Variants in KCNAB2 observed in about 807,000 individuals in gnomAD.
The protein encoded by KCNAB2 is voltage-gated potassium channel subunit beta-2.
A neutral mutation model predicts 63.6 loss-of-function variants in KCNAB2; 29 were observed. That is an observed-to-expected ratio of 0.46 (90% CI 0.34 to 0.62). The LOEUF (loss-of-function observed/expected upper bound fraction) is 0.62. Ranked by LOEUF, KCNAB2 falls within the 20% of genes least tolerant of loss-of-function variation. KCNAB2 has a pLI of 0.01. For synonymous variants in KCNAB2, 222 were observed against 224.2 expected (o/e 0.99, Z 0.09); for missense variants, 359 against 563.9 (o/e 0.64, Z 3.68).
chr1:6,079,124 G>A lies in KCNAB2; in HGVS notation c.301-3071G>A, dbSNP rs114873317. On this transcript the variant is annotated intron_variant, in intron 4 of 15. Coordinates refer to ENST00000378083, the MANE Select transcript of KCNAB2 (RefSeq NM_001199862.2). ...GGGTTTGACCGGAGCACAGGTGAGC[G>A]AGACCTCCCGGGAGCTGATGCTGCC... is the stretch of plus-strand genomic sequence containing the variant. Among the ~76,000 whole-genome samples the A allele has an allele frequency of 2.8e-3, 419 of 152,302 alleles. 4 individuals carry two copies. Among genetic ancestry groups the A allele is most frequent in the African/African-American group, 9.5e-3 (395 of 41,558 alleles).
rs1198321588 is a variant in KCNAB2, at chr1:6,086,903, G to A, written c.426-564G>A. 2.0e-5 allele frequency among the ~76,000 whole-genome samples: 3 copies of A among 150,210 alleles called. No individual in the cohort carries two copies. Among genetic ancestry groups the A allele is most frequent in the Admixed American group, 2.0e-4 (3 of 15,120 alleles). On this transcript the variant is annotated intron_variant, in intron 6 of 15. Coordinates refer to ENST00000378083, the MANE Select transcript of KCNAB2 (RefSeq NM_001199862.2). The surrounding 1 kb of genome is among the most constrained non-coding windows in gnomAD (Gnocchi z 4.2). ...TTATGCCTCCCCTCCCTCCCTTGGT[G>A]CCCCTCAAGTTACCCCGACCAGGCC...
chr1:6,040,891 G>A (rs954188914), upstream of KCNAB2, among the ~76,000 whole-genome samples: 6 of 152,262 alleles, frequency 3.9e-5, no homozygotes, highest in Non-Finnish European at 7.3e-5. Context: ...AGCCAGAGTA[G>A]ACTCCTTTCT....
At chr1:6,006,892 T>C (rs980256258) in intron 1 of KCNAB2, among the ~76,000 whole-genome samples, 5 of 151,892 alleles carry the variant, frequency 3.3e-5, no homozygotes, top group African/African-American at 1.2e-4. Flanking sequence ...AATACAATGA[T>C]AAGAGCTGTT....
intron 1 of KCNAB2, chr1:6,026,131 T>A (rs1471983430): frequency 6.6e-6 from 1 of 152,554 alleles, no homozygotes; most frequent in Non-Finnish European, 1.5e-5. Context: ...GCCACCTGCT[T>A]CCTGTCCTCT....
In KCNAB2 at chr1:6,074,249, A is replaced by T. The variant is rs1366815058; in HGVS notation, c.300+479A>T. Reference sequence around the variant, plus strand: ...GCATTTCACCCAACATCCACTGTCCATTTCCCAGCTGCCGCGAACCGTGCG... The same window carrying T: ...GCATTTCACCCAACATCCACTGTCCTTTTCCCAGCTGCCGCGAACCGTGCG... On this transcript the variant is annotated intron_variant, in intron 4 of 15. Transcript: ENST00000378083. This position sits in a 1 kb window ranked among gnomAD's most constrained non-coding sequence, Gnocchi z 4.9. Among the ~76,000 whole-genome samples the T allele has an allele frequency of 6.6e-6, 1 of 152,158 alleles. No homozygotes were observed.
intron 4 of KCNAB2, among the ~76,000 whole-genome samples, chr1:6,080,844 G>A (rs948395762): frequency 6.6e-6 from 1 of 152,252 alleles, no homozygotes; most frequent in Admixed American, 6.5e-5. Flanking sequence ...AGTTCAGAAA[G>A]GAGAGACGCA....
chr1:6,044,489 T>C (rs2100486106), upstream of KCNAB2, among the ~76,000 whole-genome samples: 1 of 152,128 alleles, frequency 6.6e-6, no homozygotes, highest in Non-Finnish European at 1.5e-5. Flanking sequence ...GAGCCACAGC[T>C]CAGAGGTGTG....
chr1:6,098,752 C>T lies in KCNAB2; in HGVS notation c.*178C>T, dbSNP rs1362544943. 8.0e-6 allele frequency: 6 copies of T among 748,330 alleles called. No homozygotes were observed. The highest frequency in any genetic ancestry group is 5.6e-5 in the South Asian group (3 of 53,874). 46.4% of individuals were successfully genotyped at this position (748,330 alleles called of 1,614,324 possible). A position where few individuals can be genotyped will look rare whatever the true frequency, so the allele number is the denominator to read the frequency against. On this transcript the variant is annotated 3_prime_UTR_variant, in exon 16 of 16. Transcript: ENST00000378083. Reference sequence around the variant, plus strand: ...TGCCAGACACCACCCACTGCTTCGCCGGACAATGTCGAAGTCCAGTCTGTG... The same window carrying T: ...TGCCAGACACCACCCACTGCTTCGCTGGACAATGTCGAAGTCCAGTCTGTG...
intron 2 of KCNAB2, among the ~76,000 whole-genome samples, chr1:6,066,520 T>A (rs892310739): frequency 2.0e-5 from 3 of 152,100 alleles, no homozygotes; most frequent in African/African-American, 7.2e-5. Context: ...GAGGGCGCCG[T>A]CTTCCTTCCT....
chr1:6,008,721 T>C (rs1657973629), intron 1 of KCNAB2, among the ~76,000 whole-genome samples: 1 of 151,782 alleles, frequency 6.6e-6, no homozygotes, highest in African/African-American at 2.4e-5. Context: ...AAGGCTGTGA[T>C]CAGGGAAGTG....
At chr1:6,030,861 T>C (rs1159645578), upstream of KCNAB2, among the ~76,000 whole-genome samples, 2 of 148,298 alleles carry the variant, frequency 1.3e-5, no homozygotes, top group African/African-American at 5.2e-5. Context: ...TGTGTGTATG[T>C]ATGTGTAGGT....
At chr1:6,072,916 G>T (rs1571027491) in intron 3 of KCNAB2, 118 bp downstream of exon 3, 1 of 887,990 alleles carries the variant, frequency 1.1e-6, no homozygotes. Context: ...ACTCCCCAGG[G>T]AGTAGCTGCA....
intron 1 of KCNAB2, among the ~76,000 whole-genome samples, chr1:6,013,678 G>A (rs769374517): frequency 6.6e-5 from 10 of 152,052 alleles, no homozygotes; most frequent in African/African-American, 9.7e-5. Context: ...GCATCTGTCC[G>A]AAGACCCTGC....
chr1:6,098,360 C>G, intron 15 of KCNAB2, 125 bp from the exon 16 acceptor site: 1 of 1,494,136 alleles, frequency 6.7e-7, no homozygotes. Flanking sequence ...CAGATGGAGC[C>G]CAGATGTGAT....
chr1:6,090,797 A>G (rs913281432), intron 9 of KCNAB2, among the ~76,000 whole-genome samples: 1 of 152,168 alleles, frequency 6.6e-6, no homozygotes, highest in Non-Finnish European at 1.5e-5. Context: ...GCTATTTTGC[A>G]GCTAAGTGAA....
Position 6,100,236 on chromosome 1 carries a change from C to A in KCNAB2, c.*1662C>A. 2.7e-6 allele frequency: 2 copies of A among 743,830 alleles called. No individual in the cohort carries two copies. The highest frequency in any genetic ancestry group is 4.0e-6 in the Non-Finnish European group (2 of 503,502). The allele number at this position is 743,830 out of a possible 1,614,324, so 46.1% of individuals were successfully genotyped here. A position where few individuals can be genotyped will look rare whatever the true frequency, so the allele number is the denominator to read the frequency against. On this transcript the variant is annotated 3_prime_UTR_variant, in exon 16 of 16. Transcript: ENST00000378083. ...GCTGGGGCGAGGGGAGGAGGGGGATCAGCTTCTGCTATTACCGACCCCCCT... is the reference window on the plus strand; with the variant it reads ...GCTGGGGCGAGGGGAGGAGGGGGATAAGCTTCTGCTATTACCGACCCCCCT...
rs1663060933 is a variant in KCNAB2, at chr1:6,069,975, G to A, written c.219-2780G>A. Among the ~76,000 whole-genome samples, 1 of 152,170 alleles carries A rather than the reference G, an allele frequency of 6.6e-6. No individual in the cohort carries two copies. Among genetic ancestry groups the A allele is most frequent in the Non-Finnish European group, 1.5e-5 (1 of 68,028 alleles). On this transcript the variant is annotated intron_variant, in intron 2 of 15. Transcript: ENST00000378083. This position sits in a 1 kb window ranked among gnomAD's most constrained non-coding sequence, Gnocchi z 5.4. ...AACAGATATGGAATCAGGGGCAGGG[G>A]CACCTTTTGCCAGCCCTCCCCAAAC... is the stretch of plus-strand genomic sequence containing the variant.
intron 1 of KCNAB2, among the ~76,000 whole-genome samples, chr1:6,001,816 C>G (rs1186906140): frequency 6.6e-6 from 1 of 152,180 alleles, no homozygotes; most frequent in East Asian, 1.9e-4. Flanking sequence ...GAAAGCCCCT[C>G]TAGGTTCTCT....
intron 10 of KCNAB2, among the ~76,000 whole-genome samples, chr1:6,091,553 G>C (rs1665190139): frequency 6.7e-6 from 1 of 150,286 alleles, no homozygotes; most frequent in African/African-American, 2.5e-5. Flanking sequence ...CCCCACCCCT[G>C]GGCTTGCACT....
Sources: allele counts gnomAD v4.1 joint callset (sites outside exome capture counted in the v4.1 genomes callset), GRCh38; gene constraint gnomAD v4.1.1; non-coding constraint Gnocchi (gnomAD v3.1); transcripts MANE v1.5; gene names NCBI Gene and HGNC (gene_info 2026-07-23, HGNC 2026-07-21).